CNIH3: variants seen among roughly 807,000 people sequenced by gnomAD.
CNIH3 encodes the protein cornichon family AMPA receptor auxiliary protein 3.
CNIH3 carries 14 observed loss-of-function variants against 24.1 expected under a neutral mutation model. The observed-to-expected ratio is 0.58, with a 90% CI of 0.38 to 0.91. The LOEUF (loss-of-function observed/expected upper bound fraction) is 0.91. CNIH3 is among the 40% of genes least tolerant of loss of function. The pLI, the probability that CNIH3 is intolerant of heterozygous loss-of-function variation, is 0.00. For synonymous variants in CNIH3, 68 were observed against 73.8 expected (o/e 0.92, Z 0.40); for missense variants, 178 against 196.8 (o/e 0.90, Z 0.57).
intron 3 of CNIH3, among the ~76,000 whole-genome samples, chr1:224,705,626 A>G (rs1687741836): frequency 6.6e-6 from 1 of 152,192 alleles, no homozygotes; most frequent in Non-Finnish European, 1.5e-5. Context: ...GCAACCTCAC[A>G]GAGGACCGTG....
chr1:224,541,509 A>T (rs1679511846), downstream of CNIH3, among the ~76,000 whole-genome samples: 1 of 152,234 alleles, frequency 6.6e-6, no homozygotes, highest in Non-Finnish European at 1.5e-5. Context: ...CTTAAAAAGG[A>T]TGTGCATGCA....
intron 1 of CNIH3, among the ~76,000 whole-genome samples, chr1:224,506,760 C>A (rs190236198): frequency 5.1e-4 from 77 of 152,258 alleles, no homozygotes; most frequent in African/African-American, 1.6e-3. Context: ...AGCAATTAGA[C>A]CATGCCCAGA....
intron 1 of CNIH3, among the ~76,000 whole-genome samples, chr1:224,643,078 T>C (rs1433807786): frequency 6.6e-6 from 1 of 152,224 alleles, no homozygotes; most frequent in Non-Finnish European, 1.5e-5. Context: ...GGCCCTTCTG[T>C]GGCCTTGTTG....
intron 1 of CNIH3, among the ~76,000 whole-genome samples, chr1:224,489,157 G>A (rs1677146334): frequency 6.6e-6 from 1 of 151,860 alleles, no homozygotes; most frequent in Non-Finnish European, 1.5e-5. Flanking sequence ...TTAATGGTAG[G>A]CAGTTAACTT....
chr1:224,587,854 A>G (rs1681576055), intron 5 of CNIH3, among the ~76,000 whole-genome samples: 1 of 151,806 alleles, frequency 6.6e-6, no homozygotes, highest in Non-Finnish European at 1.5e-5. Context: ...AGGTGGGAGG[A>G]TTGCTTGAGC....
intron 3 of CNIH3, among the ~76,000 whole-genome samples, chr1:224,729,873 G>A (rs1450457062): frequency 1.3e-5 from 2 of 152,146 alleles, no homozygotes; most frequent in African/African-American, 4.8e-5. Context: ...AGGCTACACT[G>A]TCCCTCTTCA....
intron 1 of CNIH3, among the ~76,000 whole-genome samples, chr1:224,635,228 T>C (rs2125084272): frequency 6.6e-6 from 1 of 152,208 alleles, no homozygotes; most frequent in East Asian, 1.9e-4. Flanking sequence ...TCTCACTCAC[T>C]ATCATGAGAA....
chr1:224,564,805 G>T (rs1307303874), intron 3 of CNIH3, among the ~76,000 whole-genome samples: 1 of 152,246 alleles, frequency 6.6e-6, no homozygotes, highest in Non-Finnish European at 1.5e-5. Flanking sequence ...GGATGGCTTT[G>T]TCTGCCAGAA....
At chr1:224,643,489 G>T (rs1684458226) in intron 1 of CNIH3, among the ~76,000 whole-genome samples, 1 of 152,190 alleles carries the variant, frequency 6.6e-6, no homozygotes, top group African/African-American at 2.4e-5. Flanking sequence ...TGGTGGGACA[G>T]TGAGTGGGTC....
rs559934544 is a variant in CNIH3 at position 224,604,718 on chromosome 1, G to A, written n.402+38454G>A. Among the ~76,000 whole-genome samples the A allele has an allele frequency of 2.6e-5, 4 of 152,306 alleles. No individual in the cohort carries two copies. The South Asian group carries it at 8.3e-4, about 32-fold the overall frequency. On this transcript the variant is annotated intron_variant and non_coding_transcript_variant, in intron 3 of 7. Transcript: ENST00000478120. The surrounding 1 kb of genome is among the most constrained non-coding windows in gnomAD (Gnocchi z 4.4). ...TCTTCTCGGTCACTTTGCAAGCCAGGGACCCTTGCCGGTGACACCTGGCCC... is the reference window on the plus strand; with the variant it reads ...TCTTCTCGGTCACTTTGCAAGCCAGAGACCCTTGCCGGTGACACCTGGCCC...
At chr1:224,676,745 T>TA (rs1363686272) in intron 1 of CNIH3, among the ~76,000 whole-genome samples, 6 of 152,198 alleles carry the variant, frequency 3.9e-5, no homozygotes, top group Admixed American at 2.6e-4. Flanking sequence ...TTGCTGATGC[T>TA]AAGGCTTAGC....
chr1:224,557,215 T>C (rs1680173453), intron 3 of CNIH3, among the ~76,000 whole-genome samples: 1 of 152,050 alleles, frequency 6.6e-6, no homozygotes, highest in Non-Finnish European at 1.5e-5. Flanking sequence ...TAATTATTTT[T>C]ATTTTAGTTT....
intron 3 of CNIH3, among the ~76,000 whole-genome samples, chr1:224,601,103 A>C (rs1477771628): frequency 1.3e-5 from 2 of 152,208 alleles, no homozygotes; most frequent in African/African-American, 4.8e-5. Context: ...AATGAAAGTA[A>C]AGTACACTTG....
intron 1 of CNIH3, among the ~76,000 whole-genome samples, chr1:224,518,078 T>A (rs761050919): frequency 6.6e-6 from 1 of 152,138 alleles, no homozygotes; most frequent in African/African-American, 2.4e-5. Flanking sequence ...TTCTAGTGCT[T>A]AGAGGTCTAA....
rs151267356 is a variant in CNIH3, at chr1:224,469,598, T to C, written n.203+34736T>C. Reference sequence around the variant, plus strand: ...ATCATAGCTAATTGTAATCTCAAACTTCAGGCTCAAGCAATCCCTCCGCCT... The same window carrying C: ...ATCATAGCTAATTGTAATCTCAAACCTCAGGCTCAAGCAATCCCTCCGCCT... On this transcript the variant is annotated intron_variant and non_coding_transcript_variant, in intron 1 of 5. Coordinates refer to the CNIH3 transcript ENST00000471578. Among the ~76,000 whole-genome samples, 139 of 152,292 alleles carry C rather than the reference T, an allele frequency of 9.1e-4. 1 individual carries two copies. Among genetic ancestry groups the C allele is most frequent in the African/African-American group, 2.7e-3 (113 of 41,564 alleles).
chr1:224,463,868 G>T (rs1676046860), intron 1 of CNIH3, among the ~76,000 whole-genome samples: 2 of 123,332 alleles, frequency 1.6e-5, no homozygotes, highest in South Asian at 5.5e-4. Flanking sequence ...TCAGTTTACT[G>T]CAACCTCTGC....
At chr1:224,518,372 C>T (rs1419567247) in intron 1 of CNIH3, among the ~76,000 whole-genome samples, 1 of 152,004 alleles carries the variant, frequency 6.6e-6, no homozygotes, top group African/African-American at 2.4e-5. Context: ...TCTCTGTCAC[C>T]CAGTTGGAGT....
intron 3 of CNIH3, among the ~76,000 whole-genome samples, chr1:224,608,343 G>A (rs1985338): frequency 0.27 from 41,196 of 151,986 alleles, 5,813 homozygotes; most frequent in Admixed American, 0.36. Flanking sequence ...AGTTAAAGAA[G>A]GAAGGGCTTT....
At chr1:224,595,129 C>T (rs1043829393) in intron 3 of CNIH3, among the ~76,000 whole-genome samples, 2 of 152,190 alleles carry the variant, frequency 1.3e-5, no homozygotes, top group African/African-American at 4.8e-5. Context: ...TCACTGTAGC[C>T]TTGAACTCCT....
Sources: gnomAD v4.1 joint callset for allele counts (sites outside exome capture counted in the v4.1 genomes callset) on GRCh38, gnomAD v4.1.1 for gene constraint, Gnocchi (gnomAD v3.1) non-coding constraint, MANE v1.5 for transcripts, NCBI Gene and HGNC (gene_info 2026-07-23, HGNC 2026-07-21) for gene names.